The following HRAS variants were observed in gnomAD, a reference collection of about 807,000 sequenced individuals.
HRAS encodes HRas proto-oncogene, GTPase, also known as GTPase HRas.
A neutral mutation model predicts 19.8 loss-of-function variants in HRAS; 11 were observed. The ratio of observed to expected loss-of-function variants is 0.55; its 90% confidence interval spans 0.35 to 0.92. The LOEUF is 0.92. Ranked by LOEUF, HRAS falls within the 40% of genes least tolerant of loss-of-function variation. HRAS has a pLI of 0.01. For synonymous variants in HRAS, 149 were observed against 105.5 expected (o/e 1.41, Z -2.52); for missense variants, 204 against 255.9 (o/e 0.80, Z 1.38).
intron 2 of HRAS, 68 bp from the exon 3 acceptor site, chr11:534,012 C>T (rs1020987166): frequency 2.7e-5 from 41 of 1,528,420 alleles, no homozygotes; most frequent in Middle Eastern, 3.4e-4. Context: ...CAGCCAGCCT[C>T]TCCCTGGTAC....
At chr11:534,092 G>T in intron 2 of HRAS, 120 bp downstream of exon 2, 1 of 1,157,896 alleles carries the variant, frequency 8.6e-7, no homozygotes, top group Non-Finnish European at 1.3e-6. Flanking sequence ...TCTAGAGGAA[G>T]CAGGAGACAG....
chr11:533,674 G>C (rs1467469423), intron 3 of HRAS, 62 bp from the exon 4 acceptor site: 1 of 1,612,034 alleles, frequency 6.2e-7, no homozygotes, highest in Non-Finnish European at 8.5e-7. Flanking sequence ...TCCAGGACAT[G>C]CGCAGAGAGG....
chr11:534,136 AGC>A, intron 2 of HRAS, 74 bp downstream of exon 2: 1 of 1,289,446 alleles, frequency 7.8e-7, no homozygotes, highest in East Asian at 2.3e-5. Context: ...CAGGGGCTGC[AGC>A]CAGCCCTATC....
chr11:532,493 C>T lies in HRAS; in HGVS notation c.*35G>A. On this transcript the variant is annotated 3_prime_UTR_variant, in exon 6 of 6. Coordinates refer to ENST00000311189, the MANE Select transcript of HRAS (RefSeq NM_005343.4). ...TCCTTCCGTCTGCACCTCCTTCCTG[C>T]ATCCGGCACCTCCATGTCCTGAGCT... is the stretch of plus-strand genomic sequence containing the variant. The T allele has an allele frequency of 8.8e-7, 1 of 1,135,060 alleles. No individual in the cohort carries two copies. The highest frequency in any genetic ancestry group is 2.6e-5 in the East Asian group (1 of 38,764). 70.3% of individuals were successfully genotyped at this position (1,135,060 alleles called of 1,614,324 possible).
At position 533,476 on chromosome 11, in the gene HRAS, C is replaced by T. The variant is rs909222512; in HGVS notation, c.427G>A (p.Glu143Lys). Residue 143 changes from glutamate (E) to lysine (K), a missense_variant, in exon 4 of 6, where the codon GAG (glutamate) becomes AAG (lysine). By Grantham distance (56) the Glu-to-Lys change is moderately conservative. Transcript: ENST00000311189. ...LARSYGIPYI[E>K]TSAKTRQGVE... ...ACCTGCCGGGTCTTGGCCGAGGTCT[C>T]GATGTAGGGGATGCCGTAGCTTCGG... 4.3e-6 allele frequency: 7 copies of T among 1,613,378 alleles called. No individual in the cohort carries two copies. Among genetic ancestry groups the T allele is most frequent in the Admixed American group, 3.3e-5 (2 of 60,004 alleles).
intron 1 of HRAS, 100 bp from the exon 2 acceptor site, chr11:534,475 C>T (rs984453028): frequency 2.8e-5 from 18 of 644,622 alleles, no homozygotes; most frequent in Middle Eastern, 4.1e-4. Context: ...CACAGCGGTC[C>T]CTGGGCCCCA....
chr11:533,604 A>C lies in HRAS; in HGVS notation c.299T>G (p.Ile100Ser). 6.2e-7 allele frequency: 1 copy of C among 1,613,696 alleles called. No homozygotes were observed. The change falls in exon 4 of 6, where the codon ATC becomes AGC. Residue 100 changes from isoleucine to serine, a missense_variant. This residue lies in a region of HRAS where 142 missense variants were observed against 141.1 expected (regional missense o/e 1.01). Transcript: ENST00000311189. ...FEDIHQYREQ[I>S]KRVKDSDDVP... ...GTCATCCGAGTCCTTCACCCGTTTGATCTGCTCCCTGAGAGGTGGAAAGCG... is the reference window on the plus strand; with the variant it reads ...GTCATCCGAGTCCTTCACCCGTTTGCTCTGCTCCCTGAGAGGTGGAAAGCG...
At position 532,677 on chromosome 11, in the gene HRAS, TCTCATCAGGAGGGTTCAGCTTCC is replaced by T; in HGVS notation, c.506_528del (p.Arg169GlnfsTer?). On this transcript the variant is annotated frameshift_variant, in exon 5 of 6. Transcript: ENST00000311189. LOFTEE classifies it high-confidence loss of function. ...TTGCAGCTCATGCAGCCGGGGCCAC[TCTCATCAGGAGGGTTCAGCTTCC>T]GCAGCTTGTGCTGCCGGATCTCACG... 1 of 1,613,042 alleles carries T rather than the reference TCTCATCAGGAGGGTTCAGCTTCC, an allele frequency of 6.2e-7. No individual in the cohort carries two copies. Among genetic ancestry groups the T allele is most frequent in the Non-Finnish European group, 8.5e-7 (1 of 1,179,972 alleles).
Position 533,756 on chromosome 11 carries a change from C to G in HRAS, c.290+10G>C, listed in dbSNP as rs769212136. 6.2e-7 allele frequency: 1 copy of G among 1,613,192 alleles called. No individual in the cohort carries two copies. Among genetic ancestry groups the G allele is most frequent in the Non-Finnish European group, 8.5e-7 (1 of 1,179,944 alleles). ...GGCGTGGGCTCCCGGGCCAGCCTCACGGGGTTCACCTGTACTGGTGGATGT... is the reference window on the plus strand; with the variant it reads ...GGCGTGGGCTCCCGGGCCAGCCTCAGGGGGTTCACCTGTACTGGTGGATGT... On this transcript the variant is annotated intron_variant, in intron 3 of 5. Transcript: ENST00000311189.
chr11:535,047 T>A (rs1851382205), intron 1 of HRAS, among the ~76,000 whole-genome samples: 1 of 151,862 alleles, frequency 6.6e-6, no homozygotes, highest in African/African-American at 2.4e-5. Context: ...GTCCGCGACC[T>A]GTGATGCTGA....
chr11:534,474 C>G, intron 1 of HRAS, 99 bp from the exon 2 acceptor site: 6 of 644,876 alleles, frequency 9.3e-6, no homozygotes, highest in Non-Finnish European at 1.1e-5. Flanking sequence ...CCACAGCGGT[C>G]CCTGGGCCCC....
rs538573448 is a variant in HRAS, at chr11:535,489, G to C, written c.-127C>G. On this transcript the variant is annotated 5_prime_UTR_variant, in exon 1 of 6. Coordinates refer to ENST00000311189, the MANE Select transcript of HRAS (RefSeq NM_005343.4). ...GGGCGGGGCGGGGGCGGGGGCGCGC[G>C]GTTCGCCCCGCGCATGGGCTCCGTC... 2 of 147,456 alleles carry C rather than the reference G, an allele frequency of 1.4e-5. No homozygotes were observed. The highest frequency in any genetic ancestry group is 1.8e-4 in the South Asian group (1 of 5,452). The allele number at this position is 147,456 out of a possible 1,614,324, so 9.1% of individuals were successfully genotyped here.
In HRAS at chr11:532,439, CCTTCCTTG is replaced by C. The variant is rs958579383; in HGVS notation, c.*81_*88del. ...GACTGGGCTCCAGCAGCCCTTCCTT[CCTTCCTTG>C]CTTCCGTCCTTCCTTCCTCCTCCTT... On this transcript the variant is annotated 3_prime_UTR_variant, in exon 6 of 6. Transcript: ENST00000311189. 6 of 764,864 alleles carry C rather than the reference CCTTCCTTG, an allele frequency of 7.8e-6. No homozygotes were observed. The highest frequency in any genetic ancestry group is 5.2e-5 in the African/African-American group (3 of 57,664). The allele number at this position is 764,864 out of a possible 1,614,324, so 47.4% of individuals were successfully genotyped here. A position where few individuals can be genotyped will look rare whatever the true frequency, so the allele number is the denominator to read the frequency against.
In HRAS at chr11:532,439, C is replaced by T. The variant is rs45522033; in HGVS notation, c.*89G>A. The T allele has an allele frequency of 1.7e-3, 1,331 of 764,860 alleles. 6 individuals are homozygous for T. The highest frequency in any genetic ancestry group is 8.7e-3 in the African/African-American group (503 of 57,662). The allele number at this position is 764,860 out of a possible 1,614,324, so 47.4% of individuals were successfully genotyped here. A position where few individuals can be genotyped will look rare whatever the true frequency, so the allele number is the denominator to read the frequency against. On this transcript the variant is annotated 3_prime_UTR_variant, in exon 6 of 6. Transcript: ENST00000311189. ...GACTGGGCTCCAGCAGCCCTTCCTTCCTTCCTTGCTTCCGTCCTTCCTTCC... is the reference window on the plus strand; with the variant it reads ...GACTGGGCTCCAGCAGCCCTTCCTTTCTTCCTTGCTTCCGTCCTTCCTTCC...
intron 1 of HRAS, 108 bp downstream of exon 1, chr11:535,308 C>CTGT (rs1223400023): frequency 6.8e-6 from 1 of 146,194 alleles, no homozygotes; most frequent in African/African-American, 2.5e-5. Flanking sequence ...GCCGCCGCCG[C>CTGT]CGCCGCTTAC....
intron 1 of HRAS, among the ~76,000 whole-genome samples, chr11:534,824 C>T (rs1389785454): frequency 6.6e-6 from 1 of 152,206 alleles, no homozygotes; most frequent in Non-Finnish European, 1.5e-5. Context: ...ATTTGCTGAG[C>T]GCCTACTGCG....
At chr11:533,333 C>G in intron 4 of HRAS, 120 bp downstream of exon 4, 1 of 1,605,140 alleles carries the variant, frequency 6.2e-7, no homozygotes, top group Non-Finnish European at 8.5e-7. Context: ...GGTCCCGGAG[C>G]TGGAGCTAGA....
chr11:534,239 A>G lies in HRAS; in HGVS notation c.84T>C (p.Phe28=), dbSNP rs915086641. 3.7e-6 allele frequency: 6 copies of G among 1,613,526 alleles called. No individual in the cohort carries two copies. In the African/African-American group the frequency reaches 8.0e-5, roughly 22 times the overall value. The change falls in exon 2 of 6, where the codon TTT becomes TTC. Residue 28 remains phenylalanine (F), a synonymous_variant. Coordinates refer to ENST00000311189, the MANE Select transcript of HRAS (RefSeq NM_005343.4). ...CTATAGTGGGGTCGTATTCGTCCAC[A>G]AAATGGTTCTGGATCAGCTGGATGG... is the stretch of plus-strand genomic sequence containing the variant. ...ALTIQLIQNH[F]VDEYDPTIED...
intron 4 of HRAS, among the ~76,000 whole-genome samples, 196 bp from the exon 5 acceptor site, chr11:532,951 C>CA (rs1564788193): frequency 6.6e-6 from 1 of 152,226 alleles, no homozygotes; most frequent in Admixed American, 6.5e-5. Flanking sequence ...CATCATGCTA[C>CA]AGCAGCCCCT....
Sources: allele counts gnomAD v4.1 joint callset (sites outside exome capture counted in the v4.1 genomes callset), GRCh38; gene constraint gnomAD v4.1.1; regional missense constraint gnomAD v4.1.1; transcripts MANE v1.5; gene names NCBI Gene and HGNC (gene_info 2026-07-23, HGNC 2026-07-21).